Variants in PLA2G6 observed in about 807,000 individuals in gnomAD.
PLA2G6 encodes phospholipase A2 group VI.
Under a neutral mutation model 83.8 loss-of-function variants are expected in PLA2G6, and 62 were observed. That is an observed-to-expected ratio of 0.74 (90% CI 0.60 to 0.91). The LOEUF is 0.91. Ranked by LOEUF, PLA2G6 falls within the 40% of genes least tolerant of loss-of-function variation. The probability of loss-of-function intolerance (pLI) is 0.00; values close to 1 mark genes in which losing one functional copy is unlikely to be tolerated. For missense variants in PLA2G6, 944 were observed against 1,102.0 expected, an observed-to-expected ratio of 0.86 and a Z score of 2.03; for synonymous variants, 417 against 449.8, an observed-to-expected ratio of 0.93 and a Z score of 0.92.
intron 12 of PLA2G6, among the ~76,000 whole-genome samples, chr22:38,119,971 CCA>C (rs2087430065): frequency 7.9e-6 from 1 of 126,238 alleles, no homozygotes; most frequent in South Asian, 3.1e-4. Flanking sequence ...GAAAGACAAG[CCA>C]CAGAGTGGGA....
chr22:38,135,135 C>T (rs746306677), intron 5 of PLA2G6, 51 bp from the exon 6 acceptor site: 2 of 1,299,050 alleles, frequency 1.5e-6, no homozygotes, highest in Non-Finnish European at 2.2e-6. Flanking sequence ...GTCTGCGTGG[C>T]GTGGGATGAA....
chr22:38,116,384 G>C (rs2087199217), intron 12 of PLA2G6, 173 bp from the exon 13 acceptor site: 1 of 785,120 alleles, frequency 1.3e-6, no homozygotes, highest in Non-Finnish European at 2.2e-6. Flanking sequence ...CTCCGGCAGT[G>C]CTGGAGGAGT....
chr22:38,125,790 G>A, intron 10 of PLA2G6: 2 of 456,320 alleles, frequency 4.4e-6, no homozygotes, highest in Admixed American at 2.4e-5. Flanking sequence ...CAAGGGAGGT[G>A]GCGACAGCAC....
intron 3 of PLA2G6, chr22:38,143,910 T>A: frequency 5.6e-6 from 1 of 178,706 alleles, no homozygotes; most frequent in Non-Finnish European, 1.2e-5. Flanking sequence ...GCCTTGCTAA[T>A]TTTTTGTATT....
At chr22:38,119,070 T>G (rs547740271) in intron 12 of PLA2G6, among the ~76,000 whole-genome samples, 17 of 152,172 alleles carry the variant, frequency 1.1e-4, no homozygotes, top group Non-Finnish European at 2.2e-4. Flanking sequence ...CATATTCCTA[T>G]TTTTGAGAAG....
intron 2 of PLA2G6, chr22:38,150,431 G>C (rs903707689): frequency 6.6e-6 from 1 of 152,204 alleles, no homozygotes; most frequent in African/African-American, 2.4e-5. Flanking sequence ...TGCCAGTTGC[G>C]AGTTACCTTA....
At chr22:38,127,153 C>T (rs1361240387) in intron 9 of PLA2G6, 3 of 1,144,310 alleles carry the variant, frequency 2.6e-6, no homozygotes, top group African/African-American at 1.6e-5. Context: ...CTCTGACAGC[C>T]CCCCACCACT....
Position 38,181,736 on chromosome 22 carries a change from A to C in PLA2G6, c.-118T>G, listed in dbSNP as rs1465342543. The stretch of plus-strand genomic sequence containing the variant: ...ACTTGGGAGTCCGGAGCGCCGAGGA[A>C]GTTGGGGAACGGACCCCCAGGCCCC... On this transcript the variant is annotated 5_prime_UTR_variant, in exon 1 of 17. Coordinates refer to ENST00000332509, the MANE Select transcript of PLA2G6 (RefSeq NM_003560.4). 6.6e-6 allele frequency: 1 copy of C among 152,214 alleles called. No homozygotes were observed. The highest frequency in any genetic ancestry group is 1.9e-4 in the East Asian group (1 of 5,194). 9.4% of individuals were successfully genotyped at this position (152,214 alleles called of 1,614,324 possible).
At chr22:38,135,322 GGTACTGGCTTTAGA>G (rs1287929539) in intron 5 of PLA2G6, 9 of 530,932 alleles carry the variant, frequency 1.7e-5, no homozygotes, top group Non-Finnish European at 2.7e-5. Context: ...CACCCTCCCT[GGTACTGGCTTTAGA>G]GTCAGATGGG....
At chr22:38,157,128 G>T (rs373799262) in intron 2 of PLA2G6, among the ~76,000 whole-genome samples, 1 of 151,798 alleles carries the variant, frequency 6.6e-6, no homozygotes, top group East Asian at 1.9e-4. Context: ...GATCATAGCA[G>T]AAATAAATGA....
chr22:38,121,564 G>A (rs991606661), intron 11 of PLA2G6, among the ~76,000 whole-genome samples: 2 of 152,202 alleles, frequency 1.3e-5, no homozygotes, highest in Non-Finnish European at 2.9e-5. Flanking sequence ...GCACCTCCAG[G>A]AAGGAGAAGC....
At chr22:38,158,553 C>T (rs1170334264) in intron 2 of PLA2G6, among the ~76,000 whole-genome samples, 1 of 152,190 alleles carries the variant, frequency 6.6e-6, no homozygotes, top group Non-Finnish European at 1.5e-5. Flanking sequence ...AAAATTCAAA[C>T]ATACGGGCTC....
chr22:38,169,603 G>T, intron 1 of PLA2G6, 132 bp from the exon 2 acceptor site: 1 of 646,078 alleles, frequency 1.5e-6, no homozygotes, highest in South Asian at 1.7e-5. Context: ...GGCCTGGAGG[G>T]ATCTTAAAAG....
intron 4 of PLA2G6, 190 bp from the exon 5 acceptor site, chr22:38,140,359 T>C (rs1252965929): frequency 1.7e-6 from 1 of 574,768 alleles, no homozygotes; most frequent in Admixed American, 2.7e-5. Context: ...GATACAAAAA[T>C]TAGCCGGGCA....
chr22:38,123,902 C>A lies in PLA2G6; in HGVS notation c.1428-644G>T, dbSNP rs937292001. 6.6e-6 allele frequency among the ~76,000 whole-genome samples: 1 copy of A among 152,156 alleles called. No individual in the cohort carries two copies. The highest frequency in any genetic ancestry group is 2.4e-5 in the African/African-American group (1 of 41,434). On this transcript the variant is annotated intron_variant, in intron 10 of 16. Coordinates refer to ENST00000332509, the MANE Select transcript of PLA2G6 (RefSeq NM_003560.4). This position sits in a 1 kb window ranked among gnomAD's most constrained non-coding sequence, Gnocchi z 4.1. ...CCAGGCTGGAGTGCAATAACGCGAT[C>A]TCGGCTCACCGCAACCTCTGCCTCC...
In PLA2G6 at chr22:38,129,537, G is replaced by T; in HGVS notation, c.1103C>A (p.Ala368Asp). The change falls in exon 8 of 17, where the codon GCC becomes GAC. Residue 368 changes from alanine (A) to aspartate (D), a missense_variant. By Grantham distance (126) the Ala-to-Asp change is moderately radical. Transcript: ENST00000332509. ...CACTTCTGCTCCGAACACGATGAGG[G>T]CCTTGATCATCTCCACGTTGTCTTT... ...MSKDNVEMIKALIVFGAEVDT... is the reference protein window; with the variant it reads ...MSKDNVEMIKDLIVFGAEVDT... 6.2e-7 allele frequency: 1 copy of T among 1,613,612 alleles called. No homozygotes were observed. The highest frequency in any genetic ancestry group is 8.5e-7 in the Non-Finnish European group (1 of 1,179,512).
At chr22:38,145,786 C>CACAA in intron 2 of PLA2G6, 133 bp from the exon 3 acceptor site, 2 of 159,952 alleles carry the variant, frequency 1.3e-5, no homozygotes, top group East Asian at 1.0e-4. Flanking sequence ...CCCAAGCAAA[C>CACAA]ACACACACAC....
At chr22:38,131,521 T>TA (rs2088210348) in intron 7 of PLA2G6, 1 of 152,182 alleles carries the variant, frequency 6.6e-6, no homozygotes, top group Non-Finnish European at 1.5e-5. Context: ...TTTCAGAGTA[T>TA]AAAGGGATCA....
Position 38,116,063 on chromosome 22 carries a change from C to T in PLA2G6, c.1879+12G>A. ...AGTCGCTTCCCATGGATGCATCAAACATGGTTTAAACCTGAGGGCTGAGCT... is the reference window on the plus strand; with the variant it reads ...AGTCGCTTCCCATGGATGCATCAAATATGGTTTAAACCTGAGGGCTGAGCT... On this transcript the variant is annotated intron_variant, in intron 13 of 16. Transcript: ENST00000332509. 1 of 1,613,630 alleles carries T rather than the reference C, an allele frequency of 6.2e-7. No homozygotes were observed. The highest frequency in any genetic ancestry group is 8.5e-7 in the Non-Finnish European group (1 of 1,179,948).
Sources: gnomAD v4.1 joint callset for allele counts (sites outside exome capture counted in the v4.1 genomes callset) on GRCh38, gnomAD v4.1.1 for gene constraint, Gnocchi (gnomAD v3.1) non-coding constraint, MANE v1.5 for transcripts, NCBI Gene and HGNC (gene_info 2026-07-23, HGNC 2026-07-21) for gene names.